Variants in MACROD2 observed in about 807,000 individuals in gnomAD.
The protein encoded by MACROD2 is ADP-ribose glycohydrolase MACROD2.
A neutral mutation model predicts 70.4 loss-of-function variants in MACROD2; 36 were observed. The ratio of observed to expected loss-of-function variants is 0.51; its 90% confidence interval spans 0.39 to 0.68. The LOEUF is 0.68. Among genes scored for constraint, MACROD2 ranks in the 30% least tolerant of loss-of-function variants. The pLI is 0.00. For missense variants in MACROD2, 496 were observed against 538.4 expected (o/e 0.92, Z 0.78); for synonymous variants, 172 against 178.8 (o/e 0.96, Z 0.30).
intron 8 of MACROD2, chr20:15,552,855 C>G (rs1183687105): frequency 6.6e-6 from 1 of 152,190 alleles, no homozygotes; most frequent in Non-Finnish European, 1.5e-5. Flanking sequence ...ATGGGTTACC[C>G]TCTCGTTAAA....
rs1167088045 is a variant in MACROD2 at position 16,051,616 on chromosome 20, ATGT to A, written c.*1746_*1748del. 2.6e-5 allele frequency: 4 copies of A among 152,202 alleles called. No homozygotes were observed. Among genetic ancestry groups the A allele is most frequent in the Admixed American group, 6.5e-5 (1 of 15,282 alleles). The allele number at this position is 152,202 out of a possible 1,614,324, so 9.4% of individuals were successfully genotyped here. A position where few individuals can be genotyped will look rare whatever the true frequency, so the allele number is the denominator to read the frequency against. On this transcript the variant is annotated 3_prime_UTR_variant, in exon 18 of 18. Transcript: ENST00000684519. ...CATCTATATCCTCTATTGCCGTTAG[ATGT>A]TGTTGCTTTTCAGAAAAGTAACGAA...
chr20:14,414,668 C>T (rs556458166), intron 3 of MACROD2, among the ~76,000 whole-genome samples: 344 of 152,298 alleles, frequency 2.3e-3, no homozygotes, highest in African/African-American at 7.6e-3. Flanking sequence ...TTACCATGTC[C>T]GTCAAGGCCC....
At chr20:14,085,254 G>C (rs2054063097) in intron 2 of MACROD2, among the ~76,000 whole-genome samples, 1 of 151,488 alleles carries the variant, frequency 6.6e-6, no homozygotes, top group Non-Finnish European at 1.5e-5. Context: ...TTTTAGGTAA[G>C]TTCTTCTTAC....
intron 12 of MACROD2, among the ~76,000 whole-genome samples, chr20:15,955,908 T>C (rs189395804): frequency 1.2e-4 from 18 of 152,254 alleles, no homozygotes; most frequent in African/African-American, 3.6e-4. Context: ...GGCATATGTT[T>C]ACCTATGTAA....
At chr20:14,121,856 T>C (rs943006414) in intron 3 of MACROD2, among the ~76,000 whole-genome samples, 3 of 152,218 alleles carry the variant, frequency 2.0e-5, no homozygotes, top group Non-Finnish European at 4.4e-5. Context: ...TGAAAACATC[T>C]TGGTTGTTAA....
chr20:14,015,694 G>A (rs2052979322), intron 2 of MACROD2, among the ~76,000 whole-genome samples: 1 of 152,190 alleles, frequency 6.6e-6, no homozygotes, highest in Non-Finnish European at 1.5e-5. Flanking sequence ...AAATTTGCCA[G>A]TTGTAGATAC....
intron 5 of MACROD2, among the ~76,000 whole-genome samples, chr20:14,984,840 G>C (rs907967448): frequency 1.3e-5 from 2 of 151,978 alleles, no homozygotes; most frequent in African/African-American, 4.8e-5. Flanking sequence ...TCTCATGCTG[G>C]GTTTGTACTC....
At position 15,527,721 on chromosome 20, in the gene MACROD2, T is replaced by A. The variant is rs116456022; in HGVS notation, c.645+27874T>A. Among the ~76,000 whole-genome samples, 937 of 152,258 alleles carry A rather than the reference T, an allele frequency of 6.2e-3. 9 individuals carry two copies. The highest frequency in any genetic ancestry group is 0.022 in the African/African-American group (896 of 41,540). On this transcript the variant is annotated intron_variant, in intron 8 of 17. Transcript: ENST00000684519. ...GTCCATTCACACAATTTAGTAAATA[T>A]CTCTCCAGTGTTTCTCCAAAAGGCA... is the stretch of plus-strand genomic sequence containing the variant.
chr20:15,456,018 G>T (rs2046720154), intron 7 of MACROD2, among the ~76,000 whole-genome samples: 1 of 152,128 alleles, frequency 6.6e-6, no homozygotes, highest in Non-Finnish European at 1.5e-5. Context: ...CTTGCAGCAG[G>T]ATGTCTCCGC....
chr20:15,431,865 A>G (rs1467764319), intron 7 of MACROD2, among the ~76,000 whole-genome samples: 35 of 152,076 alleles, frequency 2.3e-4, no homozygotes, highest in Admixed American at 2.2e-3. Flanking sequence ...TTCAAATTTT[A>G]AAAAAGTCCA....
At chr20:15,561,335 A>G (rs1367025152) in intron 8 of MACROD2, among the ~76,000 whole-genome samples, 2 of 152,244 alleles carry the variant, frequency 1.3e-5, no homozygotes, top group Non-Finnish European at 2.9e-5. Flanking sequence ...TCTTTTCCTC[A>G]GGATCTGTAG....
At chr20:15,755,278 A>G (rs1012781071) in intron 8 of MACROD2, among the ~76,000 whole-genome samples, 4 of 152,188 alleles carry the variant, frequency 2.6e-5, no homozygotes, top group African/African-American at 9.7e-5. Context: ...AGAATTCCCC[A>G]TGGTGCATTT....
At chr20:14,341,903 A>G (rs1464259995) in intron 3 of MACROD2, among the ~76,000 whole-genome samples, 1 of 152,196 alleles carries the variant, frequency 6.6e-6, no homozygotes, top group Non-Finnish European at 1.5e-5. Flanking sequence ...CATTGTTGGC[A>G]GCCTCCTCAG....
chr20:14,463,117 A>C (rs2084392487), intron 3 of MACROD2, among the ~76,000 whole-genome samples: 1 of 152,016 alleles, frequency 6.6e-6, no homozygotes, highest in Non-Finnish European at 1.5e-5. Context: ...TCTATAAATT[A>C]CCTTGGGCAG....
In MACROD2 at chr20:14,548,717, CAAAAAAA is replaced by C. The variant is rs769527111; in HGVS notation, c.301+55225_301+55231del. Among the ~76,000 whole-genome samples, 7 of 89,240 alleles carry C rather than the reference CAAAAAAA, an allele frequency of 7.8e-5. 2 individuals carry two copies. The highest frequency in any genetic ancestry group is 3.7e-4 in the African/African-American group (7 of 18,884). 58.5% of individuals were successfully genotyped at this position (89,240 alleles called of 152,430 possible). ...TGGGCGACAGAGTGAGACTCCGTCT[CAAAAAAA>C]AAAAAAAAAAAAAAATACATTATCT... On this transcript the variant is annotated intron_variant, in intron 4 of 17. Transcript: ENST00000684519.
intron 3 of MACROD2, among the ~76,000 whole-genome samples, chr20:14,271,551 G>C (rs1304575399): frequency 6.9e-6 from 1 of 145,936 alleles, no homozygotes; most frequent in Non-Finnish European, 1.5e-5. Flanking sequence ...GGAAAAAACA[G>C]AGCAGAAAAA....
chr20:14,070,658 C>T (rs187748710), intron 2 of MACROD2, among the ~76,000 whole-genome samples: 10 of 152,196 alleles, frequency 6.6e-5, no homozygotes, highest in Admixed American at 3.3e-4. Flanking sequence ...TGGATTAAGA[C>T]TAAACTCACT....
intron 3 of MACROD2, among the ~76,000 whole-genome samples, chr20:14,265,847 G>C (rs2082140287): frequency 1.3e-5 from 2 of 150,426 alleles, no homozygotes; most frequent in Middle Eastern, 3.4e-3. Flanking sequence ...CGTGATCTGG[G>C]CTCACTGCAA....
chr20:14,633,524 T>C (rs1384390480), intron 4 of MACROD2, among the ~76,000 whole-genome samples: 1 of 152,176 alleles, frequency 6.6e-6, no homozygotes, highest in African/African-American at 2.4e-5. Flanking sequence ...CTGCTATATA[T>C]TGCCACCTGG....
Sources: gnomAD v4.1 joint callset for allele counts (sites outside exome capture counted in the v4.1 genomes callset) on GRCh38, gnomAD v4.1.1 for gene constraint, MANE v1.5 for transcripts, NCBI Gene and HGNC (gene_info 2026-07-23, HGNC 2026-07-21) for gene names.